Variants in DNAJA1 observed in about 807,000 individuals in gnomAD.
DNAJA1 encodes dnaJ homolog subfamily A member 1.
In DNAJA1, 26 loss-of-function variants were observed where a neutral mutation model predicts 47.6. The observed-to-expected ratio is 0.55, with a 90% CI of 0.40 to 0.76. The LOEUF is 0.76. Among genes scored for constraint, DNAJA1 ranks in the 30% least tolerant of loss-of-function variants. The probability of loss-of-function intolerance (pLI) is 0.00; values close to 1 mark genes in which losing one functional copy is unlikely to be tolerated. For missense variants in DNAJA1, 315 were observed against 485.0 expected, an observed-to-expected ratio of 0.65 and a Z score of 3.29; for synonymous variants, 165 against 158.4, an observed-to-expected ratio of 1.04 and a Z score of -0.31.
chr9:33,035,478 ATT>A (rs1003318471), intron 6 of DNAJA1, among the ~76,000 whole-genome samples: 2 of 151,788 alleles, frequency 1.3e-5, no homozygotes, highest in East Asian at 3.8e-4. Context: ...TTATTTATTT[ATT>A]TTTTTTGAGA....
chr9:33,025,409 C>G (rs1322626478), intron 1 of DNAJA1, 26 bp downstream of exon 1: 1 of 152,566 alleles, frequency 6.6e-6, no homozygotes, highest in African/African-American at 2.4e-5. Context: ...CGCGCTGCCC[C>G]TAGTCCCCTG....
intron 8 of DNAJA1, chr9:33,037,333 T>G: frequency 3.2e-6 from 1 of 317,122 alleles, no homozygotes; most frequent in Non-Finnish European, 5.9e-6. Context: ...AAAAAAAAAA[T>G]TAAAATTTCT....
chr9:33,034,382 GTTTTGTT>G (rs1287746031), intron 6 of DNAJA1, 52 bp downstream of exon 6: 6 of 1,462,898 alleles, frequency 4.1e-6, no homozygotes, highest in African/African-American at 2.9e-5. Flanking sequence ...TGGGTTGTTG[GTTTTGTT>G]TTTTGTTTTT....
chr9:33,027,833 A>G (rs1838897299), intron 3 of DNAJA1, among the ~76,000 whole-genome samples: 3 of 151,670 alleles, frequency 2.0e-5, no homozygotes, highest in South Asian at 4.2e-4. Flanking sequence ...CTGGGCAACA[A>G]GAGTGAATCT....
Position 33,037,152 on chromosome 9 carries a change from A to G in DNAJA1, c.975+37A>G, listed in dbSNP as rs369998717. 2.5e-4 allele frequency: 390 copies of G among 1,579,762 alleles called. 1 individual carries two copies. Among genetic ancestry groups the G allele is most frequent in the Non-Finnish European group, 3.0e-4 (345 of 1,155,884 alleles). ...TGTACTTTAAGAATACTTGAGAACAATTGGCTTACTAAAATCTGATAAAAA... is the reference window on the plus strand; with the variant it reads ...TGTACTTTAAGAATACTTGAGAACAGTTGGCTTACTAAAATCTGATAAAAA... On this transcript the variant is annotated intron_variant, in intron 8 of 8. Coordinates refer to ENST00000330899, the MANE Select transcript of DNAJA1 (RefSeq NM_001539.4).
At chr9:33,026,362 G>C in intron 1 of DNAJA1, 113 bp from the exon 2 acceptor site, 1 of 1,096,976 alleles carries the variant, frequency 9.1e-7, no homozygotes, top group African/African-American at 1.7e-5. Context: ...GAAATTTAGG[G>C]AAGGTGGTGT....
At chr9:33,034,394 GT>G (rs1283492780) in intron 6 of DNAJA1, 64 bp downstream of exon 6, 4 of 1,242,062 alleles carry the variant, frequency 3.2e-6, no homozygotes, top group Non-Finnish European at 4.5e-6. Context: ...TTTGTTTTTT[GT>G]TTTTTTGTTT....
intron 6 of DNAJA1, among the ~76,000 whole-genome samples, chr9:33,035,659 G>A (rs1247954079): frequency 1.3e-5 from 2 of 151,608 alleles, no homozygotes; most frequent in African/African-American, 2.4e-5. Flanking sequence ...TAGTAGAGAC[G>A]GGTTTCACCA....
chr9:33,033,302 C>G (rs780740577), intron 5 of DNAJA1, among the ~76,000 whole-genome samples: 4 of 151,958 alleles, frequency 2.6e-5, no homozygotes, highest in South Asian at 2.1e-4. Context: ...GAGACAAGGT[C>G]TGGAACTCCT....
rs373087752 is a variant in DNAJA1, at chr9:33,035,703, AG to A, written c.759-869del. ...AGGCTGGTATCGAACTCCTGACCTT[AG>A]GCAATCCACCTGCCTCGGCCTCCCA... is the stretch of plus-strand genomic sequence containing the variant. On this transcript the variant is annotated intron_variant, in intron 6 of 8. Coordinates refer to ENST00000330899, the MANE Select transcript of DNAJA1 (RefSeq NM_001539.4). Among the ~76,000 whole-genome samples, 520 of 152,104 alleles carry A rather than the reference AG, an allele frequency of 3.4e-3. 5 individuals are homozygous for A. Among genetic ancestry groups the A allele is most frequent in the African/African-American group, 0.012 (502 of 41,486 alleles).
chr9:33,029,245 T>C (rs561567266), intron 3 of DNAJA1, among the ~76,000 whole-genome samples: 3 of 152,324 alleles, frequency 2.0e-5, no homozygotes, highest in South Asian at 2.1e-4. Flanking sequence ...AGAACAGATA[T>C]AAAACATTTA....
At chr9:33,037,273 G>T in intron 8 of DNAJA1, 158 bp downstream of exon 8, 7 of 442,876 alleles carry the variant, frequency 1.6e-5, no homozygotes, top group East Asian at 3.7e-5. Flanking sequence ...GGAGTTTTGA[G>T]AACAGCCTGG....
At chr9:33,031,195 C>G (rs902480279) in intron 5 of DNAJA1, among the ~76,000 whole-genome samples, 1 of 152,196 alleles carries the variant, frequency 6.6e-6, no homozygotes, top group African/African-American at 2.4e-5. Flanking sequence ...CTCCCGGGTT[C>G]AAGCAGTTCT....
Position 33,038,674 on chromosome 9 carries a change from T to G in DNAJA1, c.976-11T>G, listed in dbSNP as rs74968935. ...TGAAATCAGATTGAACAGTGAAAGT[T>G]TCTTTTGAAGGTAAACTTTCCTGAG... On this transcript the variant is annotated splice_polypyrimidine_tract_variant and intron_variant, in intron 8 of 8. Coordinates refer to ENST00000330899, the MANE Select transcript of DNAJA1 (RefSeq NM_001539.4). 1,036 of 1,612,392 alleles carry G rather than the reference T, an allele frequency of 6.4e-4. 2 individuals are homozygous for G. In the African/African-American group the frequency reaches 0.012, roughly 19 times the overall value.
At chr9:33,038,483 C>T (rs890702902) in intron 8 of DNAJA1, among the ~76,000 whole-genome samples, 4 of 152,138 alleles carry the variant, frequency 2.6e-5, no homozygotes, top group Non-Finnish European at 4.4e-5. Context: ...TTTAATAAAG[C>T]CTGACTTCTG....
chr9:33,026,505 C>T lies in DNAJA1; in HGVS notation c.21C>T (p.Tyr7=). ...AGAAGATGGTGAAAGAAACAACTTA[C>T]TACGATGTTTTGGGGGTCAAACCCA... MVKETT[Y]YDVLGVKPNA... is the part of the protein sequence containing the mutation. The change falls in exon 2 of 9, where the codon TAC becomes TAT. Residue 7 remains tyrosine (Y), a synonymous_variant. Coordinates refer to ENST00000330899, the MANE Select transcript of DNAJA1 (RefSeq NM_001539.4). 6.2e-6 allele frequency: 10 copies of T among 1,606,944 alleles called. No individual in the cohort carries two copies. The highest frequency in any genetic ancestry group is 7.6e-6 in the Non-Finnish European group (9 of 1,178,416).
rs1460518946 is a variant in DNAJA1, at chr9:33,026,553, A to G, written c.69A>G (p.Lys23=). Reference sequence around the variant, plus strand: ...CCAATGCTACTCAGGAAGAATTGAAAAAGGCTTATAGGAAACTGGCTTTGA... The same window carrying G: ...CCAATGCTACTCAGGAAGAATTGAAGAAGGCTTATAGGAAACTGGCTTTGA... ...VKPNATQEEL[K]KAYRKLALKY... is the part of the protein sequence containing the mutation. Residue 23 remains lysine (K), a synonymous_variant, in exon 2 of 9, where the codon AAA becomes AAG. Transcript: ENST00000330899. 1 of 1,611,746 alleles carries G rather than the reference A, an allele frequency of 6.2e-7. No homozygotes were observed. Among genetic ancestry groups the G allele is most frequent in the Admixed American group, 1.7e-5 (1 of 59,412 alleles).
intron 1 of DNAJA1, 102 bp from the exon 2 acceptor site, chr9:33,026,373 T>C (rs1393375084): frequency 6.2e-6 from 8 of 1,292,564 alleles, no homozygotes; most frequent in Non-Finnish European, 8.4e-6. Context: ...AAGGTGGTGT[T>C]CTTATAATCG....
intron 8 of DNAJA1, 40 bp downstream of exon 8, chr9:33,037,155 G>T: frequency 6.3e-7 from 1 of 1,576,680 alleles, no homozygotes. Context: ...GAGAACAATT[G>T]GCTTACTAAA....
Sources: gnomAD v4.1 joint callset for allele counts (sites outside exome capture counted in the v4.1 genomes callset) on GRCh38, gnomAD v4.1.1 for gene constraint, MANE v1.5 for transcripts, NCBI Gene and HGNC (gene_info 2026-07-23, HGNC 2026-07-21) for gene names.